Variants in NDST1 observed in about 807,000 individuals in gnomAD.
NDST1 encodes the protein bifunctional heparan sulfate N-deacetylase/N-sulfotransferase 1.
A neutral mutation model predicts 92.8 loss-of-function variants in NDST1; 35 were observed. The ratio of observed to expected loss-of-function variants is 0.38; its 90% CI spans 0.29 to 0.50. The LOEUF is 0.50. Among genes scored for constraint, NDST1 ranks in the 20% least tolerant of loss-of-function variants. NDST1 has a pLI of 0.94. For synonymous variants in NDST1, 493 were observed against 500.3 expected, an observed-to-expected ratio of 0.99 and a Z score of 0.19; for missense variants, 822 against 1,182.7, an observed-to-expected ratio of 0.69 and a Z score of 4.47.
chr5:150,552,500 GTTTTT>G (rs1755767546), intron 14 of NDST1: 1 of 166,290 alleles, frequency 6.0e-6, no homozygotes, highest in Non-Finnish European at 1.3e-5. Context: ...GTTTTGTTTT[GTTTTT>G]GAGACAGGGT....
chr5:150,527,760 G>A, intron 2 of NDST1, 44 bp from the exon 3 acceptor site: 2 of 1,609,108 alleles, frequency 1.2e-6, no homozygotes, highest in Non-Finnish European at 1.7e-6. Context: ...TGGGGTTCTG[G>A]ATGTGACAGT....
At chr5:150,532,643 C>T (rs568048885) in intron 3 of NDST1, among the ~76,000 whole-genome samples, 59 of 152,278 alleles carry the variant, frequency 3.9e-4, no homozygotes, top group African/African-American at 1.3e-3. Context: ...TCTCCTGCCT[C>T]AGCTTCCCAA....
At chr5:150,536,496 ACT>A (rs1442692366) in intron 6 of NDST1, among the ~76,000 whole-genome samples, 1 of 148,260 alleles carries the variant, frequency 6.7e-6, no homozygotes, top group Non-Finnish European at 1.5e-5. Flanking sequence ...ACAAAGTGAG[ACT>A]CTGTCTCAAA....
At chr5:150,527,329 G>A (rs1368580491) in intron 2 of NDST1, among the ~76,000 whole-genome samples, 2 of 152,162 alleles carry the variant, frequency 1.3e-5, no homozygotes, top group Admixed American at 1.3e-4. Context: ...GCACGTTGCC[G>A]GTATTGATAC....
Position 150,527,788 on chromosome 5 carries a change from C to T in NDST1, c.514-16C>T, listed in dbSNP as rs376117430. 31 of 1,612,936 alleles carry T rather than the reference C, an allele frequency of 1.9e-5. No homozygotes were observed. The African/African-American group carries it at 3.3e-4, about 17-fold the overall frequency. On this transcript the variant is annotated splice_polypyrimidine_tract_variant and intron_variant, in intron 2 of 14. Coordinates refer to ENST00000261797, the MANE Select transcript of NDST1 (RefSeq NM_001543.5). ...GTGACAGTTCTGTTCCCCTTCCTGCCCTCCATTGACTGCAGGCCAATGAGA... is the reference window on the plus strand; with the variant it reads ...GTGACAGTTCTGTTCCCCTTCCTGCTCTCCATTGACTGCAGGCCAATGAGA...
At chr5:150,512,514 A>G (rs986890485) in intron 1 of NDST1, among the ~76,000 whole-genome samples, 2 of 152,218 alleles carry the variant, frequency 1.3e-5, no homozygotes, top group African/African-American at 4.8e-5. Flanking sequence ...GGATGAGGAA[A>G]CAGGTCGTTT....
intron 8 of NDST1, among the ~76,000 whole-genome samples, chr5:150,541,029 G>T (rs573200745): frequency 6.6e-6 from 1 of 152,204 alleles, no homozygotes; most frequent in Non-Finnish European, 1.5e-5. Flanking sequence ...GCTGGAATTG[G>T]TGACAGTCTC....
intron 10 of NDST1, 63 bp from the exon 11 acceptor site, chr5:150,545,249 G>T (rs1039410249): frequency 6.3e-7 from 1 of 1,584,696 alleles, no homozygotes; most frequent in Non-Finnish European, 8.7e-7. Flanking sequence ...CCCTTGTGCT[G>T]CATTCCCTTA....
intron 1 of NDST1, among the ~76,000 whole-genome samples, chr5:150,498,918 G>A (rs1753112914): frequency 6.6e-6 from 1 of 152,210 alleles, no homozygotes; most frequent in Non-Finnish European, 1.5e-5. Flanking sequence ...TCTTGGTCCA[G>A]CCTGCCAGGT....
chr5:150,536,439 G>A (rs1024682066), intron 6 of NDST1, among the ~76,000 whole-genome samples: 1 of 151,728 alleles, frequency 6.6e-6, no homozygotes, highest in Non-Finnish European at 1.5e-5. Context: ...CTGGGAGATC[G>A]AGGCTGCAGT....
chr5:150,502,353 G>T (rs1236111621), intron 1 of NDST1, among the ~76,000 whole-genome samples: 1 of 152,174 alleles, frequency 6.6e-6, no homozygotes, highest in Non-Finnish European at 1.5e-5. Flanking sequence ...TAGATGTGGG[G>T]TGTGAGAATA....
At chr5:150,536,518 AAT>A (rs1491497028) in intron 6 of NDST1, among the ~76,000 whole-genome samples, 2 of 151,142 alleles carry the variant, frequency 1.3e-5, no homozygotes, top group African/African-American at 4.8e-5. Context: ...AAAAAAAAAA[AAT>A]TTTTTTTTCC....
Position 150,534,961 on chromosome 5 carries a change from C to T in NDST1, c.1191C>T (p.His397=). The stretch of plus-strand genomic sequence containing the variant: ...ACATGTGGAGCCACATGCAGCCCCA[C>T]CTTTTCCACAACCAGTCCGTGTTGG... ...FPHMWSHMQP[H]LFHNQSVLAE... Residue 397 remains histidine (H), a synonymous_variant, in exon 5 of 15, where the codon CAC becomes CAT. Transcript: ENST00000261797. The T allele has an allele frequency of 1.2e-6, 2 of 1,614,290 alleles. No homozygotes were observed. Among genetic ancestry groups the T allele is most frequent in the South Asian group, 2.2e-5 (2 of 91,090 alleles).
chr5:150,536,020 T>C (rs1754968357), intron 6 of NDST1, 135 bp downstream of exon 6: 3 of 1,046,162 alleles, frequency 2.9e-6, no homozygotes, highest in African/African-American at 3.1e-5. Context: ...TGCTGCCTCC[T>C]CTGGCACCCG....
At chr5:150,520,176 A>G (rs902440969) in intron 1 of NDST1, among the ~76,000 whole-genome samples, 4 of 152,206 alleles carry the variant, frequency 2.6e-5, no homozygotes, top group African/African-American at 9.7e-5. Context: ...CTTAACGCTC[A>G]GCTACAGCCA....
rs1225365276 is a variant in NDST1 at position 150,554,200 on chromosome 5, T to C, written c.*868T>C. On this transcript the variant is annotated 3_prime_UTR_variant, in exon 15 of 15. Coordinates refer to ENST00000261797, the MANE Select transcript of NDST1 (RefSeq NM_001543.5). ...GTGAGACTGCCAGCCACGGCTTTGCTTAGCCACCTGTGGCCGAGGGCTCTC... is the reference window on the plus strand; with the variant it reads ...GTGAGACTGCCAGCCACGGCTTTGCCTAGCCACCTGTGGCCGAGGGCTCTC... 2.5e-6 allele frequency: 1 copy of C among 398,104 alleles called. No individual in the cohort carries two copies. The allele number at this position is 398,104 out of a possible 1,614,324, so 24.7% of individuals were successfully genotyped here. A position where few individuals can be genotyped will look rare whatever the true frequency, so the allele number is the denominator to read the frequency against.
At chr5:150,531,310 G>A (rs191043033) in intron 3 of NDST1, among the ~76,000 whole-genome samples, 82 of 152,160 alleles carry the variant, frequency 5.4e-4, no homozygotes, top group African/African-American at 1.7e-3. Flanking sequence ...TAACAGAGGT[G>A]GGCACTGAGG....
At chr5:150,505,925 C>T (rs1213802654), upstream of NDST1, among the ~76,000 whole-genome samples, 1 of 152,114 alleles carries the variant, frequency 6.6e-6, no homozygotes, top group African/African-American at 2.4e-5. Flanking sequence ...GGACTACAGG[C>T]TCGTGTCACC....
At chr5:150,520,008 G>C (rs1754171379) in intron 1 of NDST1, among the ~76,000 whole-genome samples, 1 of 152,160 alleles carries the variant, frequency 6.6e-6, no homozygotes, top group Non-Finnish European at 1.5e-5. Context: ...TGTGGTGGCA[G>C]TATGGCGATC....
Sources: gnomAD v4.1 joint callset for allele counts (sites outside exome capture counted in the v4.1 genomes callset) on GRCh38, gnomAD v4.1.1 for gene constraint, MANE v1.5 for transcripts, NCBI Gene and HGNC (gene_info 2026-07-23, HGNC 2026-07-21) for gene names.